The following FRMPD1 variants were observed in gnomAD, a reference collection of about 807,000 sequenced individuals.
FRMPD1 encodes the protein FERM and PDZ domain-containing protein 1.
Under a neutral mutation model 117.8 loss-of-function variants are expected in FRMPD1, and 76 were observed. That is an observed-to-expected ratio of 0.65 (90% CI 0.54 to 0.78). The LOEUF (loss-of-function observed/expected upper bound fraction) is 0.78. Ranked by LOEUF, FRMPD1 falls within the 30% of genes least tolerant of loss-of-function variation. FRMPD1 has a pLI of 0.00. For missense variants in FRMPD1, 1,786 were observed against 1,964.5 expected (o/e 0.91, Z 1.72); for synonymous variants, 783 against 770.4 (o/e 1.02, Z -0.27).
At chr9:37,606,582 C>T in the FRMPD1 span, among the ~76,000 whole-genome samples, 4 of 152,154 alleles carry the variant, frequency 2.6e-5, no homozygotes, top group Non-Finnish European at 5.9e-5. Flanking sequence ...TCTTCTGGCA[C>T]CACCACGCTG....
At chr9:37,631,796 G>T in the FRMPD1 span, among the ~76,000 whole-genome samples, 23 of 152,212 alleles carry the variant, frequency 1.5e-4, no homozygotes, top group African/African-American at 5.5e-4. Flanking sequence ...CAGAAACAGG[G>T]TCTTGCTATG....
chr9:37,620,615 C>G, the FRMPD1 span, among the ~76,000 whole-genome samples: 1 of 152,006 alleles, frequency 6.6e-6, no homozygotes, highest in African/African-American at 2.4e-5. Context: ...TTCCAGCTGT[C>G]TGGTGGAGCA....
At position 37,692,272 on chromosome 9, in the gene FRMPD1, G is replaced by A. The variant is rs143451292; in HGVS notation, c.-4-366G>A. ...TTCCTGATGCAGGCAAAACTGAACC[G>A]CATTGTCCAGGGTTGCACACATAGT... On this transcript the variant is annotated intron_variant, in intron 1 of 15. Coordinates refer to ENST00000377765, the MANE Select transcript of FRMPD1 (RefSeq NM_014907.3). 7.7e-4 allele frequency among the ~76,000 whole-genome samples: 117 copies of A among 152,298 alleles called. 3 individuals carry two copies. The East Asian group carries it at 0.02, about 27-fold the overall frequency.
At chr9:37,674,040 C>G (rs886674919) in intron 1 of FRMPD1, among the ~76,000 whole-genome samples, 2 of 152,234 alleles carry the variant, frequency 1.3e-5, no homozygotes, top group African/African-American at 4.8e-5. Context: ...ATTTCTGAAG[C>G]TGGCTTGAAT....
chr9:37,629,148 G>A, the FRMPD1 span, among the ~76,000 whole-genome samples: 1 of 152,054 alleles, frequency 6.6e-6, no homozygotes, highest in South Asian at 2.1e-4. Context: ...GCAGTGAGCC[G>A]AGGTTGTGCC....
the FRMPD1 span, among the ~76,000 whole-genome samples, chr9:37,606,156 A>T: frequency 6.6e-6 from 1 of 152,088 alleles, no homozygotes; most frequent in Admixed American, 6.5e-5. Flanking sequence ...CTGCAACAGG[A>T]CTCTGTAATT....
Position 37,691,154 on chromosome 9 carries a change from C to A in FRMPD1, c.-4-1484C>A, listed in dbSNP as rs151025453. The stretch of plus-strand genomic sequence containing the variant: ...TTGTCATTCAGTTAGAAGAGTTTTA[C>A]TTACTTCTTCTATTTTAATTCCTGT... On this transcript the variant is annotated intron_variant, in intron 1 of 15. Transcript: ENST00000377765. Among the ~76,000 whole-genome samples, 166 of 152,330 alleles carry A rather than the reference C, an allele frequency of 1.1e-3. 1 individual carries two copies. Among genetic ancestry groups the A allele is most frequent in the African/African-American group, 3.8e-3 (156 of 41,576 alleles).
At chr9:37,636,415 TA>T in the FRMPD1 span, among the ~76,000 whole-genome samples, 4 of 152,024 alleles carry the variant, frequency 2.6e-5, no homozygotes, top group Admixed American at 6.5e-5. Context: ...GAAAGGTGTG[TA>T]GGGGGGGCAT....
intron 5 of FRMPD1, among the ~76,000 whole-genome samples, chr9:37,712,122 A>G (rs1822929345): frequency 6.6e-6 from 1 of 152,208 alleles, no homozygotes. Flanking sequence ...AATTTAATTG[A>G]CCACATACCA....
intron 13 of FRMPD1, 43 bp from the exon 14 acceptor site, chr9:37,737,053 C>T (rs1824167616): frequency 2.0e-6 from 3 of 1,535,950 alleles, no homozygotes; most frequent in Non-Finnish European, 2.7e-6. Flanking sequence ...TCAGACTGTC[C>T]CTTGGTCCTT....
chr9:37,604,942 C>T, the FRMPD1 span, among the ~76,000 whole-genome samples: 4 of 152,198 alleles, frequency 2.6e-5, no homozygotes, highest in Admixed American at 2.0e-4. Context: ...TCACATCAAC[C>T]CTCTGAGGCA....
intron 8 of FRMPD1, 121 bp from the exon 9 acceptor site, chr9:37,730,863 C>T: frequency 1.0e-6 from 1 of 989,024 alleles, no homozygotes; most frequent in Non-Finnish European, 1.5e-6. Context: ...TTGGGAAGCA[C>T]TAGAATTGAA....
At chr9:37,644,337 G>T in the FRMPD1 span, among the ~76,000 whole-genome samples, 6 of 152,206 alleles carry the variant, frequency 3.9e-5, no homozygotes, top group Non-Finnish European at 5.9e-5. Flanking sequence ...CACTAGCGAG[G>T]CTGACTAGTT....
At chr9:37,704,944 C>T (rs7019495) in intron 2 of FRMPD1, among the ~76,000 whole-genome samples, 9,828 of 151,588 alleles carry the variant, frequency 0.065, 784 homozygotes, top group East Asian at 0.36. Flanking sequence ...TTAAATAAAT[C>T]CTTCTTCCCC....
intron 3 of FRMPD1, 108 bp from the exon 4 acceptor site, chr9:37,708,291 C>A: frequency 1.5e-6 from 1 of 683,026 alleles, no homozygotes; most frequent in Non-Finnish European, 2.6e-6. Context: ...GGGAGTGAGC[C>A]AGTGCCCCTG....
chr9:37,643,189 T>C, the FRMPD1 span, among the ~76,000 whole-genome samples: 2 of 152,252 alleles, frequency 1.3e-5, no homozygotes, highest in Non-Finnish European at 2.9e-5. Context: ...CTCAAGTCCA[T>C]ACATTTAATG....
Position 37,740,381 on chromosome 9 carries a change from A to G in FRMPD1, c.1853A>G (p.Asp618Gly), listed in dbSNP as rs1588972794. Residue 618 changes from aspartate to glycine, a missense_variant, in exon 15 of 16, where the codon GAC (aspartate) becomes GGC (glycine). Coordinates refer to ENST00000377765, the MANE Select transcript of FRMPD1 (RefSeq NM_014907.3). The surrounding 1 kb of genome is among the most constrained non-coding windows in gnomAD (Gnocchi z 4.2). ...GACGCTCTGGAAGAGGATGACTTAG[A>G]CACCTGCTCCTCCAGCAGGTCCACC... Reference protein sequence around the residue: ...SMDALEEDDLDTCSSSRSTFF... With the variant: ...SMDALEEDDLGTCSSSRSTFF... 1.9e-6 allele frequency: 3 copies of G among 1,613,758 alleles called. No individual in the cohort carries two copies. In the East Asian group the frequency reaches 6.7e-5, roughly 36 times the overall value.
At chr9:37,660,173 G>A (rs1820960919) in intron 1 of FRMPD1, among the ~76,000 whole-genome samples, 3 of 152,186 alleles carry the variant, frequency 2.0e-5, no homozygotes, top group South Asian at 2.1e-4. Context: ...GAGGAGAGGC[G>A]GGGAGGGAGG....
chr9:37,622,703 A>G, the FRMPD1 span, among the ~76,000 whole-genome samples: 2 of 152,256 alleles, frequency 1.3e-5, no homozygotes, highest in South Asian at 4.1e-4. Context: ...TGTGGCAGCA[A>G]TTGCGTGTTA....
Sources: gnomAD v4.1 joint callset for allele counts (sites outside exome capture counted in the v4.1 genomes callset) on GRCh38, gnomAD v4.1.1 for gene constraint, Gnocchi (gnomAD v3.1) non-coding constraint, MANE v1.5 for transcripts, NCBI Gene and HGNC (gene_info 2026-07-23, HGNC 2026-07-21) for gene names.